SUGCT: variants seen among roughly 807,000 people sequenced by gnomAD.
The protein encoded by SUGCT is succinyl-CoA:glutarate-CoA transferase, also known as succinyl-CoA:glutarate CoA-transferase.
Under a neutral mutation model 55.0 loss-of-function variants are expected in SUGCT, and 41 were observed. The observed-to-expected ratio is 0.74, with a 90% confidence interval of 0.58 to 0.97. The LOEUF is 0.97. SUGCT is among the 50% of genes least tolerant of loss of function. The pLI, the probability that SUGCT is intolerant of heterozygous loss-of-function variation, is 0.00. For missense variants in SUGCT, 568 were observed against 547.8 expected, an observed-to-expected ratio of 1.04 and a Z score of -0.37; for synonymous variants, 187 against 200.4, an observed-to-expected ratio of 0.93 and a Z score of 0.56.
chr7:40,942,430 GC>G, the SUGCT span, among the ~76,000 whole-genome samples: 2 of 152,056 alleles, frequency 1.3e-5, no homozygotes, highest in African/African-American at 4.8e-5. Flanking sequence ...TGATAATTCT[GC>G]TGCTAGTCTG....
chr7:41,017,631 C>T, the SUGCT span, among the ~76,000 whole-genome samples: 1 of 151,964 alleles, frequency 6.6e-6, no homozygotes, highest in Admixed American at 6.6e-5. Flanking sequence ...CTTAGCCGGG[C>T]GTGGTGGCGG....
chr7:40,391,526 T>C (rs935631010), intron 9 of SUGCT, among the ~76,000 whole-genome samples: 1 of 152,038 alleles, frequency 6.6e-6, no homozygotes, highest in African/African-American at 2.4e-5. Flanking sequence ...AACAGACACA[T>C]GAAAAAATGC....
chr7:40,156,434 G>C (rs1311941864), intron 1 of SUGCT, among the ~76,000 whole-genome samples: 1 of 152,108 alleles, frequency 6.6e-6, no homozygotes, highest in African/African-American at 2.4e-5. Context: ...CTGCACTCCA[G>C]CCTGGGCGAC....
At chr7:40,622,539 T>TG (rs1562906513) in intron 12 of SUGCT, among the ~76,000 whole-genome samples, 7 of 149,712 alleles carry the variant, frequency 4.7e-5, no homozygotes, top group Non-Finnish European at 1.0e-4. Flanking sequence ...TTTTTTTTTT[T>TG]TTTTTTTTTT....
intron 11 of SUGCT, among the ~76,000 whole-genome samples, chr7:40,493,864 A>G (rs891681366): frequency 6.6e-6 from 1 of 152,040 alleles, no homozygotes; most frequent in South Asian, 2.1e-4. Flanking sequence ...AGATTTTTAG[A>G]AAAAAAATGA....
At chr7:40,136,678 T>C (rs1251225380) in intron 1 of SUGCT, among the ~76,000 whole-genome samples, 2 of 152,210 alleles carry the variant, frequency 1.3e-5, no homozygotes, top group Non-Finnish European at 2.9e-5. Flanking sequence ...TGGCCAAAAA[T>C]TCACCTTTCT....
chr7:40,384,898 A>G (rs1291788052), intron 9 of SUGCT, among the ~76,000 whole-genome samples: 1 of 152,110 alleles, frequency 6.6e-6, no homozygotes, highest in Non-Finnish European at 1.5e-5. Flanking sequence ...TGCATCAGTC[A>G]TTGTGCTAGG....
chr7:40,622,536 T>G (rs1799317962), intron 12 of SUGCT, among the ~76,000 whole-genome samples: 1 of 149,408 alleles, frequency 6.7e-6, no homozygotes, highest in Admixed American at 6.7e-5. Context: ...TTGTTTTTTT[T>G]TTTTTTTTTT....
At chr7:40,381,447 T>C (rs1784865348) in intron 9 of SUGCT, among the ~76,000 whole-genome samples, 1 of 118,880 alleles carries the variant, frequency 8.4e-6, no homozygotes, top group African/African-American at 3.0e-5. Context: ...TTTATAATTT[T>C]ATGTTCTTTA....
chr7:40,366,874 C>T (rs918963161), intron 9 of SUGCT, among the ~76,000 whole-genome samples: 1 of 151,960 alleles, frequency 6.6e-6, no homozygotes, highest in Admixed American at 6.6e-5. Flanking sequence ...TCAGGGATCT[C>T]GAACTAGAAA....
chr7:40,670,912 A>C (rs1801908783), intron 12 of SUGCT, among the ~76,000 whole-genome samples: 1 of 152,198 alleles, frequency 6.6e-6, no homozygotes, highest in African/African-American at 2.4e-5. Flanking sequence ...GAGCACTTCC[A>C]GTTCATTTTA....
chr7:40,234,373 A>C (rs781014231), intron 6 of SUGCT, among the ~76,000 whole-genome samples: 6 of 152,200 alleles, frequency 3.9e-5, no homozygotes, highest in Non-Finnish European at 8.8e-5. Context: ...GAAGGCTGGA[A>C]TCCCGGGCCA....
At chr7:40,401,803 A>G (rs1786085503) in intron 9 of SUGCT, among the ~76,000 whole-genome samples, 1 of 152,246 alleles carries the variant, frequency 6.6e-6, no homozygotes, top group African/African-American at 2.4e-5. Context: ...AACTTGGTGA[A>G]TATTTAGTAT....
At position 40,701,355 on chromosome 7, in the gene SUGCT, C is replaced by T. The variant is rs544628727; in HGVS notation, c.1090-48079C>T. On this transcript the variant is annotated intron_variant, in intron 12 of 13. Transcript: ENST00000335693. ...GCCACTTCAGAGAGCTGAGCTCATC[C>T]GCCATTCCAGTGTTCAGAGGCCCTG... is the stretch of plus-strand genomic sequence containing the variant. Among the ~76,000 whole-genome samples the T allele has an allele frequency of 1.5e-4, 23 of 152,316 alleles. No individual in the cohort carries two copies. In the South Asian group the frequency reaches 1.9e-3, roughly 12 times the overall value.
chr7:40,153,375 T>G (rs1788682865), intron 1 of SUGCT: 1 of 363,546 alleles, frequency 2.8e-6, no homozygotes, highest in Non-Finnish European at 5.5e-6. Context: ...GGGGTGATGT[T>G]TAAGGCTATT....
At chr7:40,847,407 C>CTTTTTTTTTTTTTTTTTTTTTTTTTTTTT (rs1338885686) in intron 13 of SUGCT, among the ~76,000 whole-genome samples, 5 of 117,888 alleles carry the variant, frequency 4.2e-5, no homozygotes, top group East Asian at 5.0e-4. Context: ...TCTTTTCTTT[C>CTTTTTTTTTTTTTTTTTTTTTTTTTTTTT]TTTCTTTTTT....
intron 1 of SUGCT, among the ~76,000 whole-genome samples, chr7:40,155,284 CAA>C (rs35923575): frequency 7.0e-5 from 7 of 100,240 alleles, no homozygotes; most frequent in Non-Finnish European, 4.3e-5. Context: ...GACCCCATCT[CAA>C]AAAAAAAAAA....
intron 9 of SUGCT, among the ~76,000 whole-genome samples, chr7:40,379,620 T>C (rs1396259979): frequency 6.6e-6 from 1 of 152,178 alleles, no homozygotes; most frequent in African/African-American, 2.4e-5. Flanking sequence ...CTCAATTAGC[T>C]TGGTAGTCAG....
intron 6 of SUGCT, among the ~76,000 whole-genome samples, chr7:40,202,812 C>A (rs1197195776): frequency 6.6e-6 from 1 of 152,134 alleles, no homozygotes; most frequent in Non-Finnish European, 1.5e-5. Flanking sequence ...CTATAGGCAG[C>A]CCTCATGGGT....
Sources: allele counts gnomAD v4.1 joint callset (sites outside exome capture counted in the v4.1 genomes callset), GRCh38; gene constraint gnomAD v4.1.1; transcripts MANE v1.5; gene names NCBI Gene and HGNC (gene_info 2026-07-23, HGNC 2026-07-21).